Variants in CDH23 observed in about 807,000 individuals in gnomAD.
CDH23 encodes the protein cadherin-23.
Under a neutral mutation model 317.1 loss-of-function variants are expected in CDH23, and 189 were observed. The observed-to-expected ratio is 0.60, with a 90% CI of 0.53 to 0.67. The LOEUF is 0.67. Ranked by LOEUF, CDH23 falls within the 30% of genes least tolerant of loss-of-function variation. The pLI, the probability that CDH23 is intolerant of heterozygous loss-of-function variation, is 0.00. For missense variants in CDH23, 4,401 were observed against 4,592.4 expected (o/e 0.96, Z 1.20); for synonymous variants, 1,839 against 1,876.8 (o/e 0.98, Z 0.52).
chr10:71,815,595 TG>T lies in CDH23; in HGVS notation c.*318del. 1 of 247,900 alleles carries T rather than the reference TG, an allele frequency of 4.0e-6. No homozygotes were observed. The highest frequency in any genetic ancestry group is 1.3e-3 in the Middle Eastern group (1 of 768). 15.4% of individuals were successfully genotyped at this position (247,900 alleles called of 1,614,324 possible). ...GGGACCAGCTTGGCTCAGGCTGAGC[TG>T]AAAGAGGCCAAACAGGCCCTCCTCC... On this transcript the variant is annotated 3_prime_UTR_variant, in exon 70 of 70. Transcript: ENST00000224721.
At chr10:71,679,304 T>TGCCC in intron 16 of CDH23, 83 bp from the exon 17 acceptor site, 2 of 867,766 alleles carry the variant, frequency 2.3e-6, no homozygotes, top group Non-Finnish European at 1.9e-6. Flanking sequence ...GGGCCAGTCT[T>TGCCC]CCCCACCCTC....
At chr10:71,692,917 C>G (rs1435438914) in intron 20 of CDH23, among the ~76,000 whole-genome samples, 1 of 152,214 alleles carries the variant, frequency 6.6e-6, no homozygotes, top group Non-Finnish European at 1.5e-5. Context: ...GGAGCCTCAC[C>G]TAGAATTACT....
chr10:71,739,144 C>T (rs918111368), intron 35 of CDH23, among the ~76,000 whole-genome samples: 2 of 152,130 alleles, frequency 1.3e-5, no homozygotes, highest in Admixed American at 6.5e-5. Context: ...TCTAGGGGGT[C>T]GAGGGATGCT....
intron 3 of CDH23, among the ~76,000 whole-genome samples, chr10:71,463,829 A>G (rs968772143): frequency 3.9e-5 from 6 of 152,178 alleles, no homozygotes; most frequent in Non-Finnish European, 7.4e-5. Context: ...CCATCAACAG[A>G]TCAAAACCTA....
At chr10:71,448,077 C>T (rs534773667) in intron 3 of CDH23, among the ~76,000 whole-genome samples, 4 of 152,216 alleles carry the variant, frequency 2.6e-5, no homozygotes, top group Non-Finnish European at 5.9e-5. Context: ...ACCCTGCTGC[C>T]GGCTGGGGAA....
chr10:71,623,826 G>T (rs993350546), intron 11 of CDH23, among the ~76,000 whole-genome samples: 9 of 152,164 alleles, frequency 5.9e-5, no homozygotes, highest in African/African-American at 2.2e-4. Context: ...GAGGCTCTGT[G>T]ATTTCAAATC....
chr10:71,521,147 C>A (rs75666617), intron 6 of CDH23, among the ~76,000 whole-genome samples: 1 of 151,772 alleles, frequency 6.6e-6, no homozygotes, highest in Non-Finnish European at 1.5e-5. Context: ...AGATGTCACC[C>A]GGGGCATAAT....
intron 34 of CDH23, among the ~76,000 whole-genome samples, chr10:71,736,769 T>G (rs927506554): frequency 2.0e-5 from 3 of 152,184 alleles, no homozygotes; most frequent in African/African-American, 7.2e-5. Flanking sequence ...AAACCAAAAT[T>G]AGACATATCC....
At chr10:71,729,812 T>C (rs768443654) in intron 30 of CDH23, among the ~76,000 whole-genome samples, 2 of 152,092 alleles carry the variant, frequency 1.3e-5, no homozygotes, top group Non-Finnish European at 2.9e-5. Flanking sequence ...AGGAGTGGCA[T>C]GGAGTGTGAA....
At chr10:71,408,076 A>G (rs1224562968) in intron 1 of CDH23, among the ~76,000 whole-genome samples, 1 of 152,346 alleles carries the variant, frequency 6.6e-6, no homozygotes, top group East Asian at 1.9e-4. Context: ...TTTACGAGAT[A>G]TATACAGTTG....
chr10:71,766,208 G>A (rs1459412727), intron 38 of CDH23, among the ~76,000 whole-genome samples: 2 of 152,240 alleles, frequency 1.3e-5, no homozygotes, highest in African/African-American at 4.8e-5. Flanking sequence ...GTCATTGTCG[G>A]AGACCGGGAA....
chr10:71,680,414 T>C (rs933400175), intron 17 of CDH23, among the ~76,000 whole-genome samples: 1 of 152,160 alleles, frequency 6.6e-6, no homozygotes, highest in African/African-American at 2.4e-5. Flanking sequence ...TTCCTCCCAC[T>C]ACCCCACAGT....
At chr10:71,766,601 G>A (rs913190093) in intron 38 of CDH23, among the ~76,000 whole-genome samples, 1 of 152,226 alleles carries the variant, frequency 6.6e-6, no homozygotes, top group Non-Finnish European at 1.5e-5. Flanking sequence ...CTGTGGGCAG[G>A]AGGGAAGAGC....
rs753904453 is a variant in CDH23 at position 71,738,605 on chromosome 10, T to C, written c.4317T>C (p.Ala1439=). ...PEDCPVGQRV[A]TVKAWDPDAG... ...ACTGCCCTGTGGGCCAGCGAGTGGC[T>C]ACTGTCAAGGCCTGGGACCCTGATG... Residue 1439 remains alanine (A), a synonymous_variant, in exon 35 of 70, where the codon GCT becomes GCC. Transcript: ENST00000224721. The C allele has an allele frequency of 6.2e-7, 1 of 1,613,704 alleles. No homozygotes were observed. The highest frequency in any genetic ancestry group is 8.5e-7 in the Non-Finnish European group (1 of 1,179,858).
intron 1 of CDH23, among the ~76,000 whole-genome samples, chr10:71,436,485 CG>C (rs1849627576): frequency 6.6e-6 from 1 of 152,156 alleles, no homozygotes; most frequent in Non-Finnish European, 1.5e-5. Context: ...AGTCAGGAAA[CG>C]GGAACAGCAG....
chr10:71,525,164 C>G (rs753492941), intron 6 of CDH23, among the ~76,000 whole-genome samples: 10 of 152,334 alleles, frequency 6.6e-5, no homozygotes, highest in African/African-American at 2.2e-4. Flanking sequence ...ACCTCGGCCC[C>G]CCAAAGTGCT....
chr10:71,609,478 T>C (rs1444919560), intron 9 of CDH23, among the ~76,000 whole-genome samples: 1 of 152,178 alleles, frequency 6.6e-6, no homozygotes, highest in Non-Finnish European at 1.5e-5. Context: ...CCTCAGTATC[T>C]TAAAGTCTGA....
chr10:71,482,868 C>T (rs1484393396), intron 3 of CDH23, among the ~76,000 whole-genome samples: 1 of 152,120 alleles, frequency 6.6e-6, no homozygotes, highest in Non-Finnish European at 1.5e-5. Context: ...CAGTTAAATC[C>T]AAGAGGGAGC....
At chr10:71,616,518 G>A (rs1407753281) in intron 10 of CDH23, among the ~76,000 whole-genome samples, 7 of 152,216 alleles carry the variant, frequency 4.6e-5, no homozygotes, top group African/African-American at 1.2e-4. Flanking sequence ...ACCCCACTGC[G>A]GGACTTGAAC....
Sources: gnomAD v4.1 joint callset for allele counts (sites outside exome capture counted in the v4.1 genomes callset) on GRCh38, gnomAD v4.1.1 for gene constraint, MANE v1.5 for transcripts, NCBI Gene and HGNC (gene_info 2026-07-23, HGNC 2026-07-21) for gene names.